The following CELF2 variants were observed in gnomAD, a reference collection of about 807,000 sequenced individuals.
CELF2 encodes CUG triplet repeat RNA-binding protein 2.
In CELF2, 8 loss-of-function variants were observed where a neutral mutation model predicts 62.6. The observed-to-expected ratio is 0.13, with a 90% confidence interval of 0.07 to 0.23. CELF2 has a LOEUF of 0.23. Ranked by LOEUF, CELF2 falls within the 10% of genes least tolerant of loss-of-function variation. The pLI, the probability that CELF2 is intolerant of heterozygous loss-of-function variation, is 1.00. For synonymous variants in CELF2, 258 were observed against 250.0 expected (o/e 1.03, Z -0.30); for missense variants, 333 against 671.0 (o/e 0.50, Z 5.56).
chr10:10,527,157 G>A, the CELF2 span, among the ~76,000 whole-genome samples: 4 of 152,098 alleles, frequency 2.6e-5, no homozygotes, highest in African/African-American at 4.8e-5. Flanking sequence ...AATTAACCAT[G>A]CTGGCTCTGT....
chr10:10,513,616 T>C, the CELF2 span, among the ~76,000 whole-genome samples: 1 of 152,126 alleles, frequency 6.6e-6, no homozygotes. Flanking sequence ...GTTGCCCACA[T>C]ATAGCAGAAA....
chr10:10,628,271 T>C, the CELF2 span, among the ~76,000 whole-genome samples: 2 of 134,668 alleles, frequency 1.5e-5, no homozygotes, highest in African/African-American at 4.9e-5. Flanking sequence ...AAAAATGTTA[T>C]CAGTATCCTC....
chr10:10,905,398 A>G (rs895166652), intron 1 of CELF2, among the ~76,000 whole-genome samples: 11 of 152,200 alleles, frequency 7.2e-5, no homozygotes, highest in Non-Finnish European at 1.6e-4. Flanking sequence ...TTTTAAACTT[A>G]GGTTAAATTG....
chr10:10,534,254 G>A, the CELF2 span, among the ~76,000 whole-genome samples: 2 of 150,946 alleles, frequency 1.3e-5, no homozygotes, highest in African/African-American at 2.4e-5. Context: ...GAGAGACAGA[G>A]AAAGGAAAAA....
intron 1 of CELF2, among the ~76,000 whole-genome samples, chr10:11,118,483 T>A (rs2143883275): frequency 6.6e-6 from 1 of 152,224 alleles, no homozygotes; most frequent in South Asian, 2.1e-4. Context: ...AAGCTTTGAG[T>A]AACAATGCTC....
At chr10:11,264,927 A>G (rs2081758003) in intron 5 of CELF2, among the ~76,000 whole-genome samples, 1 of 152,246 alleles carries the variant, frequency 6.6e-6, no homozygotes, top group Non-Finnish European at 1.5e-5. Context: ...CCAGGAGGCG[A>G]ATGTGAGATG....
chr10:11,311,147 C>G lies in CELF2; in HGVS notation c.977-2992C>G, dbSNP rs927399083. Among the ~76,000 whole-genome samples, 1 of 152,182 alleles carries G rather than the reference C, an allele frequency of 6.6e-6. No homozygotes were observed. The highest frequency in any genetic ancestry group is 2.4e-5 in the African/African-American group (1 of 41,430). ...AAAGATGAACAAAAAATACTCCCCACTAGAAAACTACAAGGAAAACTGACT... is the reference window on the plus strand; with the variant it reads ...AAAGATGAACAAAAAATACTCCCCAGTAGAAAACTACAAGGAAAACTGACT... On this transcript the variant is annotated intron_variant, in intron 9 of 12. Coordinates refer to ENST00000633077, the MANE Select transcript of CELF2 (RefSeq NM_001326342.2). The surrounding 1 kb of genome is among the most constrained non-coding windows in gnomAD (Gnocchi z 4.7).
At chr10:11,132,976 G>C (rs568662530) in intron 1 of CELF2, among the ~76,000 whole-genome samples, 1 of 152,328 alleles carries the variant, frequency 6.6e-6, no homozygotes, top group South Asian at 2.1e-4. Flanking sequence ...AATATGAGCA[G>C]GGATGGCAGC....
chr10:10,472,606 C>T, the CELF2 span, among the ~76,000 whole-genome samples: 3 of 151,794 alleles, frequency 2.0e-5, no homozygotes, highest in Admixed American at 6.6e-5. Flanking sequence ...CCATACTTTC[C>T]TGTTTCTCTG....
chr10:10,842,689 T>A (rs565393442), intron 1 of CELF2, among the ~76,000 whole-genome samples: 113 of 152,194 alleles, frequency 7.4e-4, no homozygotes, highest in African/African-American at 2.6e-3. Context: ...GAATTGTATT[T>A]GCTAATATTT....
At chr10:10,559,603 A>G in the CELF2 span, among the ~76,000 whole-genome samples, 169 of 152,348 alleles carry the variant, frequency 1.1e-3, 1 homozygote, top group African/African-American at 4.0e-3. Flanking sequence ...AATACATGGT[A>G]GAAATAATAC....
Position 10,843,998 on chromosome 10 carries a change from A to T in CELF2, c.53+45181A>T, listed in dbSNP as rs141634538. Among the ~76,000 whole-genome samples, 61 of 152,098 alleles carry T rather than the reference A, an allele frequency of 4.0e-4. 2 individuals carry two copies. In the East Asian group the frequency reaches 0.012, roughly 29 times the overall value. On this transcript the variant is annotated intron_variant, in intron 1 of 13. Transcript: ENST00000636488. ...CATGAATAAGGGAAAAATGAATTAG[A>T]TGATTCCTAAGATCCTTTGACCTCC...
chr10:11,243,476 C>G lies in CELF2; in HGVS notation c.355-5677C>G, dbSNP rs28631130. Among the ~76,000 whole-genome samples, 158 of 152,234 alleles carry G rather than the reference C, an allele frequency of 1.0e-3. No homozygotes were observed. The highest frequency in any genetic ancestry group is 3.7e-3 in the African/African-American group (154 of 41,538). ...GAACTTGAAGAAATGTGTGACATCC[C>G]GTTTACTCCCATCAACAGGATCTAT... On this transcript the variant is annotated intron_variant, in intron 3 of 12. Transcript: ENST00000633077. This position sits in a 1 kb window ranked among gnomAD's most constrained non-coding sequence, Gnocchi z 4.1.
rs79136784 is a variant in CELF2 at position 10,981,028 on chromosome 10, C to T, written c.89+61029C>T. ...GAAGGTGTCACAAAATCCTGAACTGCTAGTGCAGGGGTCTATGCATTAGGG... is the reference window on the plus strand; with the variant it reads ...GAAGGTGTCACAAAATCCTGAACTGTTAGTGCAGGGGTCTATGCATTAGGG... On this transcript the variant is annotated intron_variant, in intron 2 of 13. Coordinates refer to the CELF2 transcript ENST00000636488. Among the ~76,000 whole-genome samples, 605 of 152,320 alleles carry T rather than the reference C, an allele frequency of 4.0e-3. 1 individual carries two copies. The highest frequency in any genetic ancestry group is 0.014 in the African/African-American group (579 of 41,570).
At chr10:11,279,626 G>A (rs1341758690) in intron 8 of CELF2, among the ~76,000 whole-genome samples, 1 of 152,148 alleles carries the variant, frequency 6.6e-6, no homozygotes, top group Admixed American at 6.5e-5. Context: ...TGTAACAACT[G>A]ACATCTGTTC....
At chr10:10,497,129 G>C in the CELF2 span, among the ~76,000 whole-genome samples, 15 of 151,282 alleles carry the variant, frequency 9.9e-5, no homozygotes. Flanking sequence ...AGGTTGCAAT[G>C]AGCCGAGATC....
chr10:10,787,330 TA>T, the CELF2 span, among the ~76,000 whole-genome samples: 1 of 152,228 alleles, frequency 6.6e-6, no homozygotes, highest in African/African-American at 2.4e-5. Flanking sequence ...GCCTAATAGC[TA>T]GGATACAGTT....
intron 1 of CELF2, among the ~76,000 whole-genome samples, chr10:11,033,297 GC>G (rs2060431590): frequency 7.1e-6 from 1 of 141,776 alleles, no homozygotes. Flanking sequence ...TGCTCTTGTT[GC>G]CCAGGCTGGA....
the CELF2 span, among the ~76,000 whole-genome samples, chr10:10,466,865 G>T: frequency 6.6e-6 from 1 of 151,850 alleles, no homozygotes. Context: ...CTAATATTTT[G>T]TCCAATTTTT....
Sources: gnomAD v4.1 joint callset for allele counts (sites outside exome capture counted in the v4.1 genomes callset) on GRCh38, gnomAD v4.1.1 for gene constraint, Gnocchi (gnomAD v3.1) non-coding constraint, MANE v1.5 for transcripts, NCBI Gene and HGNC (gene_info 2026-07-23, HGNC 2026-07-21) for gene names.